Variants in COPG2 observed in about 807,000 individuals in gnomAD.
COPG2 encodes coat protein complex I subunit gamma 2, also known as coatomer subunit gamma-2.
Under a neutral mutation model 46.3 loss-of-function variants are expected in COPG2, and 37 were observed. The observed-to-expected ratio is 0.80, with a 90% CI of 0.61 to 1.05. The LOEUF (loss-of-function observed/expected upper bound fraction) is 1.05. Ranked by LOEUF, COPG2 falls within the 50% of genes least tolerant of loss-of-function variation. COPG2 has a pLI of 0.00. For missense variants in COPG2, 427 were observed against 387.8 expected, an observed-to-expected ratio of 1.10 and a Z score of -0.85; for synonymous variants, 159 against 129.7, an observed-to-expected ratio of 1.23 and a Z score of -1.53.
chr7:130,668,396 G>T (rs1472734609), intron 1 of COPG2, among the ~76,000 whole-genome samples: 16 of 148,636 alleles, frequency 1.1e-4, no homozygotes, highest in Non-Finnish European at 9.0e-5. Flanking sequence ...GGAACGGGGC[G>T]CGCGCGGGCG....
intron 5 of COPG2, among the ~76,000 whole-genome samples, chr7:130,625,381 C>T (rs1795100512): frequency 6.6e-6 from 1 of 152,012 alleles, no homozygotes; most frequent in Non-Finnish European, 1.5e-5. Context: ...TCTTATGTTT[C>T]AACTTGGTTT....
intron 21 of COPG2, chr7:130,508,136 A>T (rs909647827): frequency 1.1e-4 from 30 of 270,128 alleles, no homozygotes; most frequent in Admixed American, 6.7e-4. Flanking sequence ...GATATTTTTT[A>T]AAAAAAGTTT....
chr7:130,611,514 T>C (rs1554452088), intron 8 of COPG2, among the ~76,000 whole-genome samples: 2 of 152,132 alleles, frequency 1.3e-5, no homozygotes, highest in Non-Finnish European at 2.9e-5. Context: ...GCTACAAGAG[T>C]GTCATCATCT....
Position 130,507,937 on chromosome 7 carries a change from G to GT in COPG2, c.2248-115dup, listed in dbSNP as rs1251677045. 22 of 677,920 alleles carry GT rather than the reference G, an allele frequency of 3.2e-5. No individual in the cohort carries two copies. In the South Asian group the frequency reaches 3.9e-4, roughly 12 times the overall value. The allele number at this position is 677,920 out of a possible 1,614,324, so 42.0% of individuals were successfully genotyped here. ...TAGAGAAAACTCTACCACCAAAATA[G>GT]TTTAAGTTCTGTAGTCTGGATAAAT... On this transcript the variant is annotated intron_variant, in intron 21 of 23. Coordinates refer to ENST00000425248, the MANE Select transcript of COPG2 (RefSeq NM_012133.6).
chr7:130,617,610 G>A (rs1554453077), intron 5 of COPG2, among the ~76,000 whole-genome samples: 1 of 152,178 alleles, frequency 6.6e-6, no homozygotes, highest in African/African-American at 2.4e-5. Flanking sequence ...AAAATTCCAT[G>A]TCCATGCTTT....
rs924392207 is a variant in COPG2 at position 130,568,767 on chromosome 7, C to A, written c.738-4374G>T. On this transcript the variant is annotated intron_variant, in intron 9 of 23. Coordinates refer to ENST00000425248, the MANE Select transcript of COPG2 (RefSeq NM_012133.6). Reference sequence around the variant, plus strand: ...ACAACTGCAGAATATACATTCTATTCATCAGCACATGGAACATTCTCCAAA... The same window carrying A: ...ACAACTGCAGAATATACATTCTATTAATCAGCACATGGAACATTCTCCAAA... Among the ~76,000 whole-genome samples, 14 of 152,262 alleles carry A rather than the reference C, an allele frequency of 9.2e-5. No homozygotes were observed. In the East Asian group the frequency reaches 2.3e-3, roughly 25 times the overall value.
chr7:130,628,416 CTAAGAG>C (rs1795160089), intron 5 of COPG2, among the ~76,000 whole-genome samples: 1 of 151,970 alleles, frequency 6.6e-6, no homozygotes, highest in Admixed American at 6.6e-5. Context: ...TACTTAATAA[CTAAGAG>C]TATCACTTCA....
intron 9 of COPG2, among the ~76,000 whole-genome samples, chr7:130,579,374 G>T (rs2116434656): frequency 6.7e-6 from 1 of 149,754 alleles, no homozygotes; most frequent in East Asian, 2.0e-4. Flanking sequence ...GGAACAACCG[G>T]TACCAGCCAC....
chr7:130,664,793 A>G (rs1483007282), intron 3 of COPG2, among the ~76,000 whole-genome samples: 6 of 152,238 alleles, frequency 3.9e-5, no homozygotes, highest in African/African-American at 1.4e-4. Flanking sequence ...TGTGCTATGA[A>G]AAGTTAAACC....
At chr7:130,539,901 A>AT (rs1443061295) in intron 20 of COPG2, among the ~76,000 whole-genome samples, 22 of 152,264 alleles carry the variant, frequency 1.4e-4, no homozygotes, top group African/African-American at 3.4e-4. Context: ...AAGGTTCGGC[A>AT]GGGGAAGGGA....
chr7:130,518,320 A>C (rs1799695648), intron 20 of COPG2, among the ~76,000 whole-genome samples: 2 of 152,196 alleles, frequency 1.3e-5, no homozygotes, highest in African/African-American at 4.8e-5. Context: ...GAAAAGTTTT[A>C]ATTAAAGAGC....
intron 20 of COPG2, chr7:130,509,029 A>C (rs77402405): frequency 2.5e-6 from 1 of 397,656 alleles, no homozygotes; most frequent in Non-Finnish European, 5.0e-6. Flanking sequence ...GGACCTGACC[A>C]AAAAAAAAAA....
chr7:130,538,468 AG>A (rs1799905753), intron 20 of COPG2, among the ~76,000 whole-genome samples: 1 of 152,146 alleles, frequency 6.6e-6, no homozygotes, highest in African/African-American at 2.4e-5. Flanking sequence ...ATCAGATCTC[AG>A]GGAAGTTGGT....
At chr7:130,598,388 C>T (rs558718803) in intron 9 of COPG2, among the ~76,000 whole-genome samples, 3 of 152,234 alleles carry the variant, frequency 2.0e-5, no homozygotes, top group South Asian at 2.1e-4. Flanking sequence ...CTAAAGAGAA[C>T]TCAGATAAGA....
chr7:130,634,262 C>T (rs1359446271), intron 5 of COPG2, among the ~76,000 whole-genome samples: 1 of 151,964 alleles, frequency 6.6e-6, no homozygotes, highest in Non-Finnish European at 1.5e-5. Flanking sequence ...GTGAAGAAAG[C>T]CAATGGGAGC....
chr7:130,573,213 C>A (rs538413699), intron 9 of COPG2, among the ~76,000 whole-genome samples: 13 of 145,468 alleles, frequency 8.9e-5, no homozygotes, highest in African/African-American at 7.7e-5. Context: ...AATCACACCT[C>A]AAAAAAAAAA....
At chr7:130,535,289 C>T (rs888491289) in intron 20 of COPG2, among the ~76,000 whole-genome samples, 12 of 152,032 alleles carry the variant, frequency 7.9e-5, no homozygotes, top group African/African-American at 2.9e-4. Flanking sequence ...GGAAGTGGGA[C>T]AATGAGGCAG....
chr7:130,652,085 T>G (rs1795758261), intron 5 of COPG2, among the ~76,000 whole-genome samples: 1 of 152,256 alleles, frequency 6.6e-6, no homozygotes, highest in South Asian at 2.1e-4. Context: ...TATAATATGA[T>G]GATATGGTTA....
chr7:130,548,656 A>G, intron 18 of COPG2, 114 bp from the exon 19 acceptor site: 1 of 388,920 alleles, frequency 2.6e-6, no homozygotes, highest in Non-Finnish European at 4.5e-6. Context: ...TAATCCCAGC[A>G]CTTTGGGAGG....
Sources: allele counts gnomAD v4.1 joint callset (sites outside exome capture counted in the v4.1 genomes callset), GRCh38; gene constraint gnomAD v4.1.1; transcripts MANE v1.5; gene names NCBI Gene and HGNC (gene_info 2026-07-23, HGNC 2026-07-21).